SLCO4A1: variants seen among roughly 807,000 people sequenced by gnomAD.
SLCO4A1 encodes colon organic anion transporter.
A neutral mutation model predicts 64.6 loss-of-function variants in SLCO4A1; 51 were observed. The ratio of observed to expected loss-of-function variants is 0.79; its 90% CI spans 0.63 to 1.00. The LOEUF (loss-of-function observed/expected upper bound fraction) is 1.00, where lower values mean the gene tolerates loss of function less well. SLCO4A1 is among the 50% of genes least tolerant of loss of function. The probability of loss-of-function intolerance (pLI) is 0.00; values close to 1 mark genes in which losing one functional copy is unlikely to be tolerated. For missense variants in SLCO4A1, 919 were observed against 980.5 expected (o/e 0.94, Z 0.84); for synonymous variants, 471 against 444.9 (o/e 1.06, Z -0.74).
rs769044974 is a variant in SLCO4A1, at chr20:62,669,097, G to T, written c.2025+19G>T. On this transcript the variant is annotated intron_variant, in intron 11 of 11. Coordinates refer to ENST00000217159, the MANE Select transcript of SLCO4A1 (RefSeq NM_016354.4). ...GTACAAGGTAAGCAGGCCCAGGGAGGGGACAGAGGGTCTGCTCTGAGGGTG... is the reference window on the plus strand; with the variant it reads ...GTACAAGGTAAGCAGGCCCAGGGAGTGGACAGAGGGTCTGCTCTGAGGGTG... The T allele has an allele frequency of 8.1e-6, 13 of 1,604,590 alleles. No individual in the cohort carries two copies. The highest frequency in any genetic ancestry group is 1.6e-4 in the Middle Eastern group (1 of 6,074).
chr20:62,669,161 T>G (rs1435463887), intron 11 of SLCO4A1, 83 bp downstream of exon 11: 1 of 1,358,000 alleles, frequency 7.4e-7, no homozygotes, highest in Non-Finnish European at 1.0e-6. Context: ...TCCAGCAGCT[T>G]GGACCACAGC....
chr20:62,668,404 C>T (rs1342207005), intron 9 of SLCO4A1, 73 bp from the exon 10 acceptor site: 7 of 1,498,590 alleles, frequency 4.7e-6, no homozygotes, highest in Non-Finnish European at 6.5e-6. Context: ...GTCCAGGAGG[C>T]CACTGGCCTA....
intron 6 of SLCO4A1, among the ~76,000 whole-genome samples, chr20:62,665,678 C>T (rs1352687061): frequency 6.6e-6 from 1 of 152,162 alleles, no homozygotes; most frequent in Non-Finnish European, 1.5e-5. Context: ...CCCTCCCTCC[C>T]CCACAGGCCC....
intron 5 of SLCO4A1, among the ~76,000 whole-genome samples, chr20:62,664,555 A>C (rs1036008400): frequency 1.3e-5 from 2 of 152,074 alleles, no homozygotes; most frequent in Non-Finnish European, 2.9e-5. Context: ...TCCCCACCTG[A>C]GCTGAAGCTC....
intron 2 of SLCO4A1, among the ~76,000 whole-genome samples, chr20:62,680,799 C>T (rs527282904): frequency 3.9e-5 from 6 of 152,248 alleles, no homozygotes; most frequent in South Asian, 2.1e-4. Flanking sequence ...TTTGTGTCTA[C>T]GTTCATGAAA....
intron 1 of SLCO4A1, among the ~76,000 whole-genome samples, chr20:62,646,550 C>T (rs1307671946): frequency 6.6e-6 from 1 of 152,262 alleles, no homozygotes; most frequent in Non-Finnish European, 1.5e-5. Flanking sequence ...TCCACCCCAG[C>T]CATGGAAGGA....
At chr20:62,683,033 C>T (rs1158486522) in intron 2 of SLCO4A1, among the ~76,000 whole-genome samples, 1 of 152,244 alleles carries the variant, frequency 6.6e-6, no homozygotes, top group African/African-American at 2.4e-5. Flanking sequence ...GGTGCTTCCT[C>T]TCAGTGTCAG....
chr20:62,667,812 C>T lies in SLCO4A1; in HGVS notation c.1540C>T (p.His514Tyr), dbSNP rs1412127089. ...CGCTGCCTGCAGCTGCCAGCCAGAA[C>T]ACTACAGCCCTGTGTGCGGCTCGGA... ...CNAACSCQPE[H>Y]YSPVCGSDGL... Residue 514 changes from histidine to tyrosine, a missense_variant, in exon 8 of 12, where the codon CAC (histidine) becomes TAC (tyrosine). By Grantham distance (83) the His-to-Tyr change is moderately conservative. Transcript: ENST00000217159. 2 of 1,613,018 alleles carry T rather than the reference C, an allele frequency of 1.2e-6. No homozygotes were observed. Among genetic ancestry groups the T allele is most frequent in the East Asian group, 4.5e-5 (2 of 44,890 alleles).
rs557163445 is a variant in SLCO4A1, at chr20:62,666,062, G to A, written c.1277-318G>A. 823 of 208,332 alleles carry A rather than the reference G, an allele frequency of 4.0e-3. 9 individuals carry two copies. Among genetic ancestry groups the A allele is most frequent in the African/African-American group, 0.019 (778 of 41,744 alleles). 12.9% of individuals were successfully genotyped at this position (208,332 alleles called of 1,614,324 possible). On this transcript the variant is annotated intron_variant, in intron 6 of 11. Transcript: ENST00000217159. ...TTGGCTTCCCACTGGGGCAGGGGCC[G>A]CTGACCTTGGAGCACTCTGGGCTCT... is the stretch of plus-strand genomic sequence containing the variant.
chr20:62,653,566 C>G (rs1377170683), intron 1 of SLCO4A1, among the ~76,000 whole-genome samples: 1 of 152,254 alleles, frequency 6.6e-6, no homozygotes, highest in African/African-American at 2.4e-5. Context: ...CCTCGCAGCC[C>G]CATGGCGGAT....
intron 6 of SLCO4A1, 141 bp downstream of exon 6, chr20:62,665,229 G>A: frequency 2.1e-6 from 2 of 940,216 alleles, no homozygotes; most frequent in Non-Finnish European, 3.1e-6. Flanking sequence ...AGCAGGTGTG[G>A]AGAGCGCCAC....
At chr20:62,668,434 A>T (rs778689675) in intron 9 of SLCO4A1, 43 bp from the exon 10 acceptor site, 1 of 1,594,690 alleles carries the variant, frequency 6.3e-7, no homozygotes, top group African/African-American at 1.3e-5. Flanking sequence ...TTGGCATGCA[A>T]CCCCACTTCT....
rs1047195055 is a variant in SLCO4A1 at position 62,645,042 on chromosome 20, T to A, written c.-97+2489T>A. Among the ~76,000 whole-genome samples, 2 of 152,262 alleles carry A rather than the reference T, an allele frequency of 1.3e-5. No individual in the cohort carries two copies. The highest frequency in any genetic ancestry group is 4.8e-5 in the African/African-American group (2 of 41,468). On this transcript the variant is annotated intron_variant, in intron 1 of 11. Coordinates refer to ENST00000217159, the MANE Select transcript of SLCO4A1 (RefSeq NM_016354.4). The surrounding 1 kb of genome is among the most constrained non-coding windows in gnomAD (Gnocchi z 4.2). ...TGGCAAGGTGCACACTGTTGGCTTTTGGACAAGGACATGGGACAGTCCTCA... is the reference window on the plus strand; with the variant it reads ...TGGCAAGGTGCACACTGTTGGCTTTAGGACAAGGACATGGGACAGTCCTCA...
chr20:62,660,128 C>T (rs1008228558), intron 3 of SLCO4A1, among the ~76,000 whole-genome samples: 7 of 152,182 alleles, frequency 4.6e-5, no homozygotes, highest in Admixed American at 4.6e-4. Flanking sequence ...CCAACCCCAC[C>T]GTGGTCTCAG....
rs201935720 is a variant in SLCO4A1 at position 62,655,372 on chromosome 20, G to A, written c.-96-987G>A. On this transcript the variant is annotated intron_variant, in intron 1 of 11. Transcript: ENST00000217159. ...GGAAGGACCCTCCCAGGGCGGGGGCGGCACAGGTGTTCCGCATCATAGCAG... is the reference window on the plus strand; with the variant it reads ...GGAAGGACCCTCCCAGGGCGGGGGCAGCACAGGTGTTCCGCATCATAGCAG... 9.6e-3 allele frequency among the ~76,000 whole-genome samples: 1,443 copies of A among 149,894 alleles called. 29 individuals carry two copies. Among genetic ancestry groups the A allele is most frequent in the African/African-American group, 0.022 (887 of 39,996 alleles).
intron 6 of SLCO4A1, chr20:62,665,392 T>C (rs1301786031): frequency 2.3e-5 from 7 of 308,934 alleles, no homozygotes; most frequent in Non-Finnish European, 4.2e-5. Flanking sequence ...GGTTTGGACC[T>C]GGCTGTTCCA....
intron 2 of SLCO4A1, 124 bp downstream of exon 2, chr20:62,657,374 T>C: frequency 2.3e-5 from 21 of 931,708 alleles, no homozygotes; most frequent in Non-Finnish European, 3.1e-5. Flanking sequence ...TGCATGGCCC[T>C]GGGGCTGCTG....
Position 62,666,372 on chromosome 20 carries a change from C to T in SLCO4A1, c.1277-8C>T. ...TGAGTCCCTGGCTGAATCCCTCCCT[C>T]TCCCCAGGGTACCTGGTGGTGCCAG... On this transcript the variant is annotated splice_region_variant and splice_polypyrimidine_tract_variant and intron_variant, in intron 6 of 11. Transcript: ENST00000217159. 1 of 1,611,526 alleles carries T rather than the reference C, an allele frequency of 6.2e-7. No homozygotes were observed. Among genetic ancestry groups the T allele is most frequent in the Non-Finnish European group, 8.5e-7 (1 of 1,179,084 alleles).
At chr20:62,670,771 C>T (rs573733696) in intron 11 of SLCO4A1, among the ~76,000 whole-genome samples, 18 of 152,336 alleles carry the variant, frequency 1.2e-4, no homozygotes, top group Middle Eastern at 3.4e-3. Flanking sequence ...GCCTCAGCAG[C>T]GCATGCGTCC....
Sources: allele counts gnomAD v4.1 joint callset (sites outside exome capture counted in the v4.1 genomes callset), GRCh38; gene constraint gnomAD v4.1.1; non-coding constraint Gnocchi (gnomAD v3.1); transcripts MANE v1.5; gene names NCBI Gene and HGNC (gene_info 2026-07-23, HGNC 2026-07-21).